The following NEGR1 variants were observed in gnomAD, a reference collection of about 807,000 sequenced individuals.
NEGR1 encodes the protein IgLON family member 4.
A neutral mutation model predicts 40.9 loss-of-function variants in NEGR1; 10 were observed. The observed-to-expected ratio is 0.24, with a 90% confidence interval of 0.15 to 0.42. NEGR1 has a LOEUF of 0.42. Among genes scored for constraint, NEGR1 ranks in the 10% least tolerant of loss-of-function variants. NEGR1 has a pLI of 1.00. For missense variants in NEGR1, 352 were observed against 438.9 expected (o/e 0.80, Z 1.77); for synonymous variants, 185 against 166.8 (o/e 1.11, Z -0.84).
intron 1 of NEGR1, among the ~76,000 whole-genome samples, chr1:72,072,306 T>C (rs1016407161): frequency 3.3e-5 from 5 of 152,152 alleles, no homozygotes; most frequent in Non-Finnish European, 7.4e-5. Flanking sequence ...TGGTGAGTAC[T>C]GGAGATGTCT....
intron 1 of NEGR1, among the ~76,000 whole-genome samples, chr1:71,976,263 T>C (rs1646302938): frequency 6.6e-6 from 1 of 152,206 alleles, no homozygotes; most frequent in Admixed American, 6.5e-5. Context: ...AACCTTGAAA[T>C]ACAGTTAAGA....
intron 4 of NEGR1, among the ~76,000 whole-genome samples, chr1:71,652,548 A>G (rs1348543198): frequency 6.6e-6 from 1 of 152,166 alleles, no homozygotes; most frequent in African/African-American, 2.4e-5. Flanking sequence ...AGGGCCAACA[A>G]AGCCTAAAAT....
intron 1 of NEGR1, among the ~76,000 whole-genome samples, chr1:72,212,601 T>C (rs114048414): frequency 0.017 from 2,586 of 152,122 alleles, 60 homozygotes; most frequent in African/African-American, 0.059. Context: ...GATAATTTAA[T>C]TGTTCATAAA....
chr1:71,764,859 T>A (rs1444409034), intron 3 of NEGR1, among the ~76,000 whole-genome samples: 3 of 152,082 alleles, frequency 2.0e-5, no homozygotes, highest in Admixed American at 6.5e-5. Context: ...ATCAGAAAAA[T>A]AGTTGTTTTG....
At chr1:71,784,347 T>C (rs1027305793) in intron 2 of NEGR1, among the ~76,000 whole-genome samples, 2 of 146,276 alleles carry the variant, frequency 1.4e-5, no homozygotes, top group African/African-American at 2.5e-5. Flanking sequence ...TAGAAAGGCT[T>C]TTTTTTTTTT....
intron 6 of NEGR1, among the ~76,000 whole-genome samples, chr1:71,569,420 T>G (rs757206877): frequency 1.7e-4 from 26 of 152,080 alleles, no homozygotes; most frequent in Non-Finnish European, 3.2e-4. Context: ...AGCTTGAGCT[T>G]AGAAGAGAGA....
At chr1:71,756,860 C>G (rs1217489176) in intron 3 of NEGR1, among the ~76,000 whole-genome samples, 1 of 150,822 alleles carries the variant, frequency 6.6e-6, no homozygotes. Context: ...AAAAAAAAAC[C>G]TGGCTAACAG....
chr1:71,643,095 G>T (rs1651409887), intron 4 of NEGR1, among the ~76,000 whole-genome samples: 1 of 151,932 alleles, frequency 6.6e-6, no homozygotes, highest in Admixed American at 6.6e-5. Context: ...TGAGCACACA[G>T]GTCAGCCTGA....
At chr1:72,051,964 A>G (rs1384039257) in intron 1 of NEGR1, among the ~76,000 whole-genome samples, 1 of 151,428 alleles carries the variant, frequency 6.6e-6, no homozygotes. Context: ...ATCTTGATTG[A>G]ACTTTCAGTA....
chr1:71,464,028 CTGGGA>C (rs1324998600), intron 6 of NEGR1, among the ~76,000 whole-genome samples: 1 of 152,138 alleles, frequency 6.6e-6, no homozygotes, highest in East Asian at 1.9e-4. Context: ...CATCTCTTTC[CTGGGA>C]TGCTGCTGTT....
chr1:71,809,065 C>T (rs569711897), intron 2 of NEGR1, among the ~76,000 whole-genome samples: 1 of 152,268 alleles, frequency 6.6e-6, no homozygotes, highest in African/African-American at 2.4e-5. Flanking sequence ...GCTTATTAAA[C>T]ATACATATCT....
At chr1:71,794,956 A>C (rs1034126510) in intron 2 of NEGR1, among the ~76,000 whole-genome samples, 3 of 152,084 alleles carry the variant, frequency 2.0e-5, no homozygotes, top group African/African-American at 4.8e-5. Flanking sequence ...TAAAAAGGGG[A>C]AACTTTAATG....
intron 2 of NEGR1, among the ~76,000 whole-genome samples, chr1:71,777,342 T>A (rs921519658): frequency 3.3e-5 from 5 of 152,120 alleles, no homozygotes; most frequent in African/African-American, 1.2e-4. Flanking sequence ...CTTAGAAAAG[T>A]GCCTGACATT....
At chr1:71,715,572 T>C (rs746574585) in intron 3 of NEGR1, among the ~76,000 whole-genome samples, 1 of 152,164 alleles carries the variant, frequency 6.6e-6, no homozygotes, top group Non-Finnish European at 1.5e-5. Context: ...CCCAAGTCAC[T>C]CCTTGAACAC....
intron 5 of NEGR1, among the ~76,000 whole-genome samples, chr1:71,601,993 A>T (rs1431202708): frequency 1.3e-5 from 2 of 152,206 alleles, no homozygotes; most frequent in East Asian, 1.9e-4. Flanking sequence ...CTACTGCTAC[A>T]CACAAAAAAG....
chr1:71,499,753 T>C (rs926891188), intron 6 of NEGR1, among the ~76,000 whole-genome samples: 1 of 151,944 alleles, frequency 6.6e-6, no homozygotes, highest in Non-Finnish European at 1.5e-5. Flanking sequence ...TAGAATGAAA[T>C]CTGTCATTCC....
intron 1 of NEGR1, among the ~76,000 whole-genome samples, chr1:72,187,173 G>T (rs1381463611): frequency 2.0e-5 from 3 of 151,206 alleles, no homozygotes; most frequent in Non-Finnish European, 4.4e-5. Context: ...TTTATTTAGG[G>T]TTTATCTTCA....
At chr1:72,002,678 C>T (rs1261374166) in intron 1 of NEGR1, among the ~76,000 whole-genome samples, 4 of 152,192 alleles carry the variant, frequency 2.6e-5, no homozygotes, top group African/African-American at 9.6e-5. Context: ...CATGAGGAAA[C>T]TATATTAAAA....
intron 1 of NEGR1, among the ~76,000 whole-genome samples, chr1:72,227,983 T>C (rs1654246086): frequency 6.6e-6 from 1 of 152,094 alleles, no homozygotes; most frequent in African/African-American, 2.4e-5. Flanking sequence ...AAAGCAATAA[T>C]AGCACCTGAC....
Sources: gnomAD v4.1 joint callset for allele counts (sites outside exome capture counted in the v4.1 genomes callset) on GRCh38, gnomAD v4.1.1 for gene constraint, MANE v1.5 for transcripts, NCBI Gene and HGNC (gene_info 2026-07-23, HGNC 2026-07-21) for gene names.